USP39: variants seen among roughly 807,000 people sequenced by gnomAD.
USP39 encodes the protein ubiquitin carboxyl-terminal hydrolase 39.
USP39 carries 38 observed loss-of-function variants against 66.4 expected under a neutral mutation model. The observed-to-expected ratio is 0.57, with a 90% CI of 0.44 to 0.75. The LOEUF (loss-of-function observed/expected upper bound fraction) is 0.75, where lower values mean the gene tolerates loss of function less well. USP39 is among the 30% of genes least tolerant of loss of function. The probability of loss-of-function intolerance (pLI) is 0.00; values close to 1 mark genes in which losing one functional copy is unlikely to be tolerated. For missense variants in USP39, 608 were observed against 714.4 expected, an observed-to-expected ratio of 0.85 and a Z score of 1.70; for synonymous variants, 303 against 274.6, an observed-to-expected ratio of 1.10 and a Z score of -1.02.
intron 10 of USP39, among the ~76,000 whole-genome samples, chr2:85,643,137 CGTA>C (rs1215633594): frequency 6.6e-6 from 1 of 151,208 alleles, no homozygotes; most frequent in Non-Finnish European, 1.5e-5. Flanking sequence ...AATGATTAAA[CGTA>C]GTATTTCTCT....
At chr2:85,620,266 A>G (rs1558850555) in intron 2 of USP39, among the ~76,000 whole-genome samples, 1 of 151,938 alleles carries the variant, frequency 6.6e-6, no homozygotes, top group Non-Finnish European at 1.5e-5. Flanking sequence ...AGATTGCTTG[A>G]GCTCAGGAGT....
chr2:85,608,851 G>A (rs1673320311), upstream of USP39: 1 of 1,547,140 alleles, frequency 6.5e-7, no homozygotes, highest in African/African-American at 1.3e-5. Flanking sequence ...CTCAAGATCA[G>A]ACAAACTGGT....
chr2:85,648,738 G>C, intron 12 of USP39, 23 bp from the exon 13 acceptor site: 1 of 1,613,950 alleles, frequency 6.2e-7, no homozygotes, highest in South Asian at 1.1e-5. Context: ...CTAGACTTCA[G>C]TTTGTGTTTT....
chr2:85,622,609 C>T (rs1023992543), intron 3 of USP39, among the ~76,000 whole-genome samples: 1 of 148,364 alleles, frequency 6.7e-6, no homozygotes, highest in Non-Finnish European at 1.5e-5. Context: ...TTATGTTACC[C>T]AGGCTACAAT....
rs980596690 is a variant in USP39 at position 85,639,449 on chromosome 2, AT to A, written c.1284+62del. The A allele has an allele frequency of 8.0e-6, 10 of 1,253,456 alleles. No individual in the cohort carries two copies. The Admixed American group carries it at 1.5e-4, about 19-fold the overall frequency. The allele number at this position is 1,253,456 out of a possible 1,614,324, so 77.6% of individuals were successfully genotyped here. A position where few individuals can be genotyped will look rare whatever the true frequency, so the allele number is the denominator to read the frequency against. ...TTACCCTCGCTCTCTCGACTTTTTC[AT>A]TTTCTTTTTTTTTTTTTTTTCAAGA... On this transcript the variant is annotated intron_variant, in intron 9 of 12. Coordinates refer to ENST00000323701, the MANE Select transcript of USP39 (RefSeq NM_006590.4).
chr2:85,640,619 A>T (rs188603230), intron 9 of USP39, among the ~76,000 whole-genome samples: 14,208 of 123,220 alleles, frequency 0.12, 823 homozygotes, highest in Non-Finnish European at 0.15. Flanking sequence ...ATATATATAT[A>T]TTTTTTTTTT....
chr2:85,637,549 A>C (rs535536410), intron 8 of USP39, 113 bp downstream of exon 8: 2 of 1,139,432 alleles, frequency 1.8e-6, no homozygotes, highest in East Asian at 4.9e-5. Flanking sequence ...GAAGAGGTTC[A>C]ACAAAGCACC....
Position 85,648,941 on chromosome 2 carries a change from C to G in USP39, c.*133C>G. 9.9e-7 allele frequency: 1 copy of G among 1,012,842 alleles called. No homozygotes were observed. The allele number at this position is 1,012,842 out of a possible 1,614,324, so 62.7% of individuals were successfully genotyped here. On this transcript the variant is annotated 3_prime_UTR_variant, in exon 13 of 13. Coordinates refer to ENST00000323701, the MANE Select transcript of USP39 (RefSeq NM_006590.4). ...CCAGCTTGTATGGGTTCTGGCTACA[C>G]CAGAGCACCAAGAGCCCACTTGCCT...
chr2:85,647,666 A>AC (rs1676749002), intron 11 of USP39, among the ~76,000 whole-genome samples: 1 of 151,974 alleles, frequency 6.6e-6, no homozygotes, highest in South Asian at 2.1e-4. Flanking sequence ...CTCAAAAAAA[A>AC]AAAAAAACAA....
At chr2:85,619,734 T>C (rs1674304522) in intron 2 of USP39, among the ~76,000 whole-genome samples, 1 of 152,036 alleles carries the variant, frequency 6.6e-6, no homozygotes, top group African/African-American at 2.4e-5. Flanking sequence ...TACAATAATA[T>C]AATTACTCTT....
Position 85,602,903 on chromosome 2 carries a change from C to G in USP39, n.48C>G, listed in dbSNP as rs1052930615. On this transcript the variant is annotated non_coding_transcript_exon_variant, in exon 1 of 13. Coordinates refer to the USP39 transcript ENST00000459775. This position sits in a 1 kb window ranked among gnomAD's most constrained non-coding sequence, Gnocchi z 5.6. ...GCGCGGAGGGCTGTGGCGTGAAGAC[C>G]GCTCTAAAACCGAGATGACTAGAGG... The G allele has an allele frequency of 1.3e-5, 2 of 152,266 alleles. No individual in the cohort carries two copies. Among genetic ancestry groups the G allele is most frequent in the Admixed American group, 1.3e-4 (2 of 15,282 alleles). 9.4% of individuals were successfully genotyped at this position (152,266 alleles called of 1,614,324 possible).
At chr2:85,609,412 G>A, upstream of USP39, 1 of 1,611,814 alleles carries the variant, frequency 6.2e-7, no homozygotes, top group Non-Finnish European at 8.5e-7. Flanking sequence ...CCTTCAGGCT[G>A]CAGCTGTTTC....
chr2:85,608,825 C>A (rs1217198179), upstream of USP39: 3 of 1,374,548 alleles, frequency 2.2e-6, no homozygotes, highest in Non-Finnish European at 3.0e-6. Flanking sequence ...CCTATGGATG[C>A]AGCAGCTCTG....
chr2:85,616,630 C>G (rs908430394), intron 1 of USP39, among the ~76,000 whole-genome samples, 167 bp downstream of exon 1: 2 of 151,250 alleles, frequency 1.3e-5, no homozygotes, highest in Non-Finnish European at 2.9e-5. Flanking sequence ...TCGACTTGTT[C>G]TGATGAAGAC....
intron 1 of USP39, among the ~76,000 whole-genome samples, chr2:85,603,797 G>A (rs111576563): frequency 1.3e-5 from 2 of 151,992 alleles, no homozygotes; most frequent in Non-Finnish European, 2.9e-5. Flanking sequence ...GTTTCACCAT[G>A]TTAGCCAGGA....
upstream of USP39, among the ~76,000 whole-genome samples, chr2:85,615,831 TGTTGGTCAGGTTGGTC>T (rs766811139): frequency 3.3e-5 from 5 of 152,052 alleles, no homozygotes; most frequent in African/African-American, 7.2e-5. Flanking sequence ...GGTTTCTCCA[TGTTGGTCAGGTTGGTC>T]TCGAACTCCC....
chr2:85,603,095 G>C (rs2104116138), intron 1 of USP39: 1 of 152,286 alleles, frequency 6.6e-6, no homozygotes, highest in South Asian at 2.1e-4. Flanking sequence ...AGTCCTCTAG[G>C]AAGCTCTCTC....
At chr2:85,611,873 G>A (rs1245475498), upstream of USP39, 1 of 1,597,632 alleles carries the variant, frequency 6.3e-7, no homozygotes, top group African/African-American at 1.3e-5. Flanking sequence ...AGGGCGGGGC[G>A]GTACCGAGCG....
upstream of USP39, among the ~76,000 whole-genome samples, chr2:85,615,377 G>T (rs746686113): frequency 6.6e-6 from 1 of 152,094 alleles, no homozygotes; most frequent in Non-Finnish European, 1.5e-5. Context: ...TCAATGGAAC[G>T]GTTCAAACAA....
Sources: gnomAD v4.1 joint callset for allele counts (sites outside exome capture counted in the v4.1 genomes callset) on GRCh38, gnomAD v4.1.1 for gene constraint, Gnocchi (gnomAD v3.1) non-coding constraint, MANE v1.5 for transcripts, NCBI Gene and HGNC (gene_info 2026-07-23, HGNC 2026-07-21) for gene names.